The following HDAC9 variants were observed in gnomAD, a reference collection of about 807,000 sequenced individuals.
The protein encoded by HDAC9 is histone deacetylase 9.
HDAC9 carries 41 observed loss-of-function variants against 139.4 expected under a neutral mutation model. The observed-to-expected ratio is 0.29, with a 90% CI of 0.23 to 0.38. The LOEUF (loss-of-function observed/expected upper bound fraction) is 0.38. Ranked by LOEUF, HDAC9 falls within the 10% of genes least tolerant of loss-of-function variation. HDAC9 has a pLI of 1.00. For synonymous variants in HDAC9, 517 were observed against 476.2 expected (o/e 1.09, Z -1.12); for missense variants, 1,147 against 1,297.0 (o/e 0.88, Z 1.78).
Position 18,699,360 on chromosome 7 carries a change from G to A in HDAC9, c.1732-28220G>A, listed in dbSNP as rs114476228. Among the ~76,000 whole-genome samples the A allele has an allele frequency of 6.3e-3, 956 of 152,076 alleles. 6 individuals carry two copies. The highest frequency in any genetic ancestry group is 0.021 in the African/African-American group (869 of 41,476). On this transcript the variant is annotated intron_variant, in intron 12 of 25. Coordinates refer to ENST00000686413, the MANE Select transcript of HDAC9 (RefSeq NM_178425.4). The stretch of plus-strand genomic sequence containing the variant: ...AGTGTGGGCAGGGGAGTCTGTAGGT[G>A]TGTCTGTGTGTGTGTGCGTGTACGT...
At position 18,093,879 on chromosome 7, in the gene HDAC9, A is replaced by G. The variant is rs548289273; in HGVS notation, c.-97+6666A>G. Among the ~76,000 whole-genome samples the G allele has an allele frequency of 2.6e-5, 4 of 152,266 alleles. No homozygotes were observed. In the East Asian group the frequency reaches 7.7e-4, roughly 29 times the overall value. On this transcript the variant is annotated intron_variant, in intron 1 of 12. Transcript: ENST00000417496. ...TTTCTTCTGTTTTATGTACTTAAATATCTTCTTTAAATGGATCTAGTTCCA... is the reference window on the plus strand; with the variant it reads ...TTTCTTCTGTTTTATGTACTTAAATGTCTTCTTTAAATGGATCTAGTTCCA...
intron 2 of HDAC9, among the ~76,000 whole-genome samples, chr7:18,572,047 C>T (rs1824478407): frequency 6.6e-6 from 1 of 150,578 alleles, no homozygotes; most frequent in Admixed American, 6.6e-5. Context: ...AGAGTGGGAA[C>T]ACATTTTTGA....
At chr7:18,858,864 A>G (rs950393966) in intron 21 of HDAC9, among the ~76,000 whole-genome samples, 1 of 152,194 alleles carries the variant, frequency 6.6e-6, no homozygotes. Flanking sequence ...TTTGAGTGGC[A>G]TACCTACTTC....
intron 6 of HDAC9, among the ~76,000 whole-genome samples, chr7:18,623,894 A>G (rs962528568): frequency 9.2e-5 from 14 of 152,152 alleles, no homozygotes; most frequent in Non-Finnish European, 1.9e-4. Flanking sequence ...AGCCAAGATC[A>G]CGGCACTGCA....
Position 18,256,012 on chromosome 7 carries a change from A to G in HDAC9, c.25+93663A>G, listed in dbSNP as rs1351273703. Among the ~76,000 whole-genome samples, 17 of 152,144 alleles carry G rather than the reference A, an allele frequency of 1.1e-4. 1 individual carries two copies. The highest frequency in any genetic ancestry group is 7.2e-4 in the Admixed American group (11 of 15,276). On this transcript the variant is annotated intron_variant, in intron 2 of 12. Transcript: ENST00000417496. ...AGTTTAAAAAGCCTTAATTGCTGAG[A>G]TGATTTCATGATTATTGTTGTTTCT...
chr7:18,275,313 C>A (rs1584959395), intron 2 of HDAC9, among the ~76,000 whole-genome samples: 1 of 152,204 alleles, frequency 6.6e-6, no homozygotes, highest in African/African-American at 2.4e-5. Context: ...TATATCACCA[C>A]AATCTTTTGC....
chr7:18,807,095 G>C (rs776478703), intron 17 of HDAC9, among the ~76,000 whole-genome samples: 1 of 152,130 alleles, frequency 6.6e-6, no homozygotes, highest in Non-Finnish European at 1.5e-5. Context: ...GTTTTACTTT[G>C]TTGGGATTTT....
chr7:18,576,463 A>T (rs1980366), intron 2 of HDAC9, among the ~76,000 whole-genome samples: 5,390 of 152,122 alleles, frequency 0.035, 227 homozygotes, highest in African/African-American at 0.11. Context: ...GGAGTTCAAA[A>T]CCAGCTTGGC....
At chr7:18,189,891 A>G (rs1790212282) in intron 2 of HDAC9, among the ~76,000 whole-genome samples, 1 of 151,876 alleles carries the variant, frequency 6.6e-6, no homozygotes, top group African/African-American at 2.4e-5. Flanking sequence ...AACACATAAA[A>G]AGATTTAACT....
chr7:18,311,463 T>A (rs1799313359), intron 1 of HDAC9, among the ~76,000 whole-genome samples: 1 of 152,128 alleles, frequency 6.6e-6, no homozygotes. Context: ...TTGATTTCAT[T>A]ACTCACATTA....
chr7:18,837,744 T>A (rs922666478), intron 21 of HDAC9, among the ~76,000 whole-genome samples: 3 of 152,082 alleles, frequency 2.0e-5, no homozygotes, highest in Admixed American at 1.3e-4. Context: ...GTGGATGAGA[T>A]TTTTTTCTAA....
intron 1 of HDAC9, among the ~76,000 whole-genome samples, chr7:18,293,347 G>A (rs1189386656): frequency 6.6e-6 from 1 of 151,404 alleles, no homozygotes; most frequent in African/African-American, 2.4e-5. Flanking sequence ...AAGGGTACAT[G>A]TGCACAACGT....
chr7:18,921,062 C>T (rs951403974), intron 22 of HDAC9, among the ~76,000 whole-genome samples: 1 of 152,038 alleles, frequency 6.6e-6, no homozygotes, highest in Non-Finnish European at 1.5e-5. Flanking sequence ...CCCTTCCTTA[C>T]ACCTTATACA....
At chr7:18,953,048 G>A (rs1054068708) in intron 23 of HDAC9, among the ~76,000 whole-genome samples, 1 of 151,970 alleles carries the variant, frequency 6.6e-6, no homozygotes, top group Non-Finnish European at 1.5e-5. Context: ...GGGACCCTGA[G>A]GGGAAGATTC....
intron 21 of HDAC9, among the ~76,000 whole-genome samples, chr7:18,860,281 GA>G (rs774072404): frequency 5.0e-4 from 76 of 150,854 alleles, no homozygotes; most frequent in Non-Finnish European, 9.0e-4. Context: ...GCCCAACTGA[GA>G]AAAAAAAATC....
intron 1 of HDAC9, among the ~76,000 whole-genome samples, chr7:18,478,887 C>T (rs1211098613): frequency 3.3e-5 from 5 of 152,080 alleles, no homozygotes; most frequent in African/African-American, 4.8e-5. Flanking sequence ...TACTAATGTG[C>T]TGTAACATAT....
chr7:18,356,043 C>A (rs78570644), intron 1 of HDAC9, among the ~76,000 whole-genome samples: 1 of 151,826 alleles, frequency 6.6e-6, no homozygotes, highest in African/African-American at 2.4e-5. Context: ...TTGAATTGTA[C>A]CCTTTAAATG....
intron 1 of HDAC9, among the ~76,000 whole-genome samples, chr7:18,130,295 C>G (rs1265288726): frequency 1.3e-5 from 2 of 152,012 alleles, no homozygotes; most frequent in Non-Finnish European, 2.9e-5. Flanking sequence ...AATGCTCAAC[C>G]TGTATAAAGG....
chr7:18,599,513 A>G (rs1477003806), intron 6 of HDAC9, among the ~76,000 whole-genome samples: 1 of 152,020 alleles, frequency 6.6e-6, no homozygotes, highest in Non-Finnish European at 1.5e-5. Context: ...TATTGTCTCT[A>G]TAGTTTTGCC....
Sources: gnomAD v4.1 joint callset for allele counts (sites outside exome capture counted in the v4.1 genomes callset) on GRCh38, gnomAD v4.1.1 for gene constraint, MANE v1.5 for transcripts, NCBI Gene and HGNC (gene_info 2026-07-23, HGNC 2026-07-21) for gene names.